Variants in SDAD1 observed in about 807,000 individuals in gnomAD.
SDAD1 encodes SDA1 domain containing 1, also known as protein SDA1 homolog.
In SDAD1, 79 loss-of-function variants were observed where a neutral mutation model predicts 100.3. The observed-to-expected ratio is 0.79, with a 90% CI of 0.66 to 0.95. SDAD1 has a LOEUF of 0.95. SDAD1 is among the 40% of genes least tolerant of loss of function. SDAD1 has a pLI of 0.00. For missense variants in SDAD1, 790 were observed against 810.9 expected, an observed-to-expected ratio of 0.97 and a Z score of 0.31; for synonymous variants, 267 against 271.4, an observed-to-expected ratio of 0.98 and a Z score of 0.16.
chr4:75,952,440 T>C (rs1230119065), intron 21 of SDAD1, among the ~76,000 whole-genome samples: 5 of 152,358 alleles, frequency 3.3e-5, no homozygotes, highest in Non-Finnish European at 5.9e-5. Flanking sequence ...TTTTCTTCTT[T>C]TATCTTTCTA....
intron 1 of SDAD1, among the ~76,000 whole-genome samples, chr4:75,985,355 G>C (rs937371334): frequency 2.6e-5 from 4 of 152,126 alleles, no homozygotes; most frequent in Admixed American, 6.5e-5. Flanking sequence ...CTGACACACT[G>C]CTACGTCGTT....
chr4:75,982,103 G>C, intron 1 of SDAD1, 66 bp from the exon 2 acceptor site: 1 of 910,748 alleles, frequency 1.1e-6, no homozygotes, highest in Non-Finnish European at 1.7e-6. Flanking sequence ...CAGACATTCA[G>C]TAGAGAAATT....
At chr4:75,970,477 T>G (rs1339276982) in intron 9 of SDAD1, 99 bp from the exon 10 acceptor site, 14 of 807,928 alleles carry the variant, frequency 1.7e-5, no homozygotes, top group South Asian at 2.2e-5. Flanking sequence ...ATTAGACTCT[T>G]TAAAAAGAAA....
In SDAD1 at chr4:75,950,420, C is replaced by T. The variant is rs114909003; in HGVS notation, c.*330G>A. ...GTAAATACACATATGTGTGTCCACC[C>T]TCACAGCTAAGCTGTCAATGCCTTG... On this transcript the variant is annotated 3_prime_UTR_variant, in exon 22 of 22. Transcript: ENST00000356260. 1.2e-4 allele frequency: 30 copies of T among 241,574 alleles called. No homozygotes were observed. The highest frequency in any genetic ancestry group is 6.5e-4 in the African/African-American group (30 of 45,956). The allele number at this position is 241,574 out of a possible 1,614,324, so 15.0% of individuals were successfully genotyped here.
intron 12 of SDAD1, 35 bp downstream of exon 12, chr4:75,967,242 A>C: frequency 6.3e-7 from 1 of 1,599,368 alleles, no homozygotes; most frequent in Non-Finnish European, 8.6e-7. Context: ...TCTATTACCA[A>C]GGCCACCAAA....
intron 7 of SDAD1, 52 bp from the exon 8 acceptor site, chr4:75,973,443 A>T: frequency 7.5e-7 from 1 of 1,328,922 alleles, no homozygotes; most frequent in Non-Finnish European, 1.1e-6. Flanking sequence ...TAAAATAAAG[A>T]ATAAATCCTT....
rs1362204206 is a variant in SDAD1, at chr4:75,975,789, T to C, written c.533A>G (p.Lys178Arg). The C allele has an allele frequency of 2.5e-6, 4 of 1,613,920 alleles. No individual in the cohort carries two copies. Among genetic ancestry groups the C allele is most frequent in the Middle Eastern group, 1.6e-4 (1 of 6,082 alleles). Residue 178 changes from lysine to arginine, a missense_variant, in exon 6 of 22, where the codon AAG becomes AGG. Lys to Arg is a conservative substitution (Grantham distance 26, BLOSUM62 2). Coordinates refer to ENST00000356260, the MANE Select transcript of SDAD1 (RefSeq NM_018115.4). The stretch of plus-strand genomic sequence containing the variant: ...TTCAATCATTACATCTAAAGACATC[T>C]TGGCTGCGGTTGCATTGCTATCTCT... ...MLRDSNATAA[K>R]MSLDVMIELY...
In SDAD1 at chr4:75,956,883, G is replaced by C. The variant is rs553933181; in HGVS notation, c.1854+442C>G. On this transcript the variant is annotated intron_variant, in intron 20 of 21. Coordinates refer to ENST00000356260, the MANE Select transcript of SDAD1 (RefSeq NM_018115.4). The stretch of plus-strand genomic sequence containing the variant: ...CCAGCACTTTGGGAGGCTGAGGCGG[G>C]TGGATCGCATGAGGCCAGGAGTTTG... 4.6e-5 allele frequency among the ~76,000 whole-genome samples: 7 copies of C among 152,350 alleles called. No homozygotes were observed. The East Asian group carries it at 1.3e-3, about 29-fold the overall frequency.
At chr4:75,966,187 C>A (rs750308815) in intron 12 of SDAD1, among the ~76,000 whole-genome samples, 1 of 151,002 alleles carries the variant, frequency 6.6e-6, no homozygotes, top group African/African-American at 2.4e-5. Context: ...CCTTGTTTTA[C>A]GTTTACTGTG....
intron 1 of SDAD1, 103 bp from the exon 2 acceptor site, chr4:75,982,140 T>C (rs1730563398): frequency 1.5e-6 from 1 of 662,660 alleles, no homozygotes; most frequent in Non-Finnish European, 2.5e-6. Context: ...GACGATCACA[T>C]GGAGAAAAAG....
Position 75,974,083 on chromosome 4 carries a change from A to G in SDAD1, c.629T>C (p.Val210Ala). 1 of 1,613,666 alleles carries G rather than the reference A, an allele frequency of 6.2e-7. No homozygotes were observed. The highest frequency in any genetic ancestry group is 1.1e-5 in the South Asian group (1 of 91,080). The change falls in exon 7 of 22, where the codon GTC (valine) becomes GCC (alanine). Residue 210 changes from valine (V) to alanine (A), a missense_variant. Coordinates refer to ENST00000356260, the MANE Select transcript of SDAD1 (RefSeq NM_018115.4). Reference protein sequence around the residue: ...NVITTACFSKVTKILVAALTF... With the variant: ...NVITTACFSKATKILVAALTF... ...AGCCCTATAGGTGCTCACCTTGGTG[A>G]CCTTAGAGAAACATGCAGTTGTGAT... is the stretch of plus-strand genomic sequence containing the variant.
intron 1 of SDAD1, among the ~76,000 whole-genome samples, chr4:75,989,810 T>C (rs1257594600): frequency 1.3e-5 from 2 of 152,240 alleles, no homozygotes; most frequent in Admixed American, 1.3e-4. Context: ...ACTGGTGACC[T>C]AAGCCACTGA....
intron 1 of SDAD1, among the ~76,000 whole-genome samples, chr4:75,983,390 C>T (rs1172799112): frequency 6.6e-6 from 1 of 152,224 alleles, no homozygotes; most frequent in East Asian, 1.9e-4. Flanking sequence ...AATGGTTAAA[C>T]TAATTTACAC....
Position 75,961,048 on chromosome 4 carries a change from T to C in SDAD1, c.1336A>G (p.Met446Val). Residue 446 changes from methionine (M) to valine (V), a missense_variant, in exon 16 of 22, where the codon ATG becomes GTG. Coordinates refer to ENST00000356260, the MANE Select transcript of SDAD1 (RefSeq NM_018115.4). ...CCTACCCGGAATTTCTTCTGCAGCA[T>C]CTGAGGATTCAGTGTTCGGAAGAGG... The part of the protein sequence containing the change: ...IHLFRTLNPQ[M>V]LQKKFRGKPT... The C allele has an allele frequency of 6.2e-7, 1 of 1,613,982 alleles. No homozygotes were observed.
At chr4:75,965,629 A>C in intron 13 of SDAD1, 135 bp downstream of exon 13, 1 of 746,726 alleles carries the variant, frequency 1.3e-6, no homozygotes, top group Non-Finnish European at 2.4e-6. Context: ...TTCATTTCTC[A>C]GACCATCTGA....
chr4:75,975,453 T>C (rs1730103862), intron 6 of SDAD1, among the ~76,000 whole-genome samples: 1 of 152,184 alleles, frequency 6.6e-6, no homozygotes, highest in African/African-American at 2.4e-5. Flanking sequence ...CTCTAAGAAC[T>C]TCCATGTCAT....
At chr4:75,982,107 A>G (rs1035486027) in intron 1 of SDAD1, 70 bp from the exon 2 acceptor site, 2 of 844,006 alleles carry the variant, frequency 2.4e-6, no homozygotes, top group African/African-American at 1.7e-5. Context: ...CATTCAGTAG[A>G]GAAATTCTTA....
intron 8 of SDAD1, among the ~76,000 whole-genome samples, chr4:75,972,251 T>C (rs6849748): frequency 0.018 from 2,812 of 152,228 alleles, 98 homozygotes; most frequent in African/African-American, 0.065. Flanking sequence ...ATTTTTCCTT[T>C]AAAAACTGTT....
intron 17 of SDAD1, among the ~76,000 whole-genome samples, chr4:75,959,028 G>A (rs1176060678): frequency 6.9e-6 from 1 of 145,380 alleles, no homozygotes; most frequent in African/African-American, 2.6e-5. Context: ...AACCCAGGAG[G>A]TGGAGCTTGC....
Sources: allele counts gnomAD v4.1 joint callset (sites outside exome capture counted in the v4.1 genomes callset), GRCh38; gene constraint gnomAD v4.1.1; transcripts MANE v1.5; gene names NCBI Gene and HGNC (gene_info 2026-07-23, HGNC 2026-07-21).